Variants in RNLS observed in about 807,000 individuals in gnomAD.
RNLS encodes renalase.
Under a neutral mutation model 39.8 loss-of-function variants are expected in RNLS, and 39 were observed. That is an observed-to-expected ratio of 0.98 (90% CI 0.76 to 1.28). The LOEUF is 1.28. Among genes scored for constraint, RNLS ranks in the 50% most tolerant of loss-of-function variants. RNLS has a pLI of 0.00. For synonymous variants in RNLS, 147 were observed against 150.7 expected, an observed-to-expected ratio of 0.98 and a Z score of 0.18; for missense variants, 410 against 413.3, an observed-to-expected ratio of 0.99 and a Z score of 0.07.
intron 5 of RNLS, among the ~76,000 whole-genome samples, chr10:88,342,764 G>C (rs1848043903): frequency 6.6e-6 from 1 of 152,166 alleles, no homozygotes; most frequent in Non-Finnish European, 1.5e-5. Flanking sequence ...GAACAGAATA[G>C]ACAAAGGTCT....
chr10:88,470,436 G>C (rs1458625280), intron 4 of RNLS, among the ~76,000 whole-genome samples: 1 of 152,096 alleles, frequency 6.6e-6, no homozygotes, highest in East Asian at 1.9e-4. Context: ...CCCTGCATGA[G>C]GGCAGCCAAG....
chr10:88,410,862 A>G (rs911496420), intron 4 of RNLS, among the ~76,000 whole-genome samples: 4 of 152,178 alleles, frequency 2.6e-5, no homozygotes, highest in East Asian at 1.9e-4. Flanking sequence ...AAAATATAAC[A>G]GTTTGAGACT....
intron 4 of RNLS, among the ~76,000 whole-genome samples, chr10:88,484,145 A>G (rs1360708123): frequency 6.6e-6 from 1 of 152,098 alleles, no homozygotes; most frequent in Non-Finnish European, 1.5e-5. Flanking sequence ...ATTAATCTTA[A>G]GGATGAAGGA....
chr10:88,498,492 G>A (rs1187691025), intron 4 of RNLS, among the ~76,000 whole-genome samples: 1 of 148,684 alleles, frequency 6.7e-6, no homozygotes, highest in Non-Finnish European at 1.5e-5. Context: ...TTTTTTTTCT[G>A]TTGTTATAAA....
chr10:88,476,087 A>G (rs1394346698), intron 4 of RNLS, among the ~76,000 whole-genome samples: 1 of 152,176 alleles, frequency 6.6e-6, no homozygotes, highest in African/African-American at 2.4e-5. Flanking sequence ...GGGAGTCCAG[A>G]AGACAATAAC....
the RNLS span, among the ~76,000 whole-genome samples, chr10:88,266,816 T>G: frequency 3.3e-5 from 5 of 150,704 alleles, no homozygotes; most frequent in African/African-American, 1.2e-4. Context: ...TGTACATCAC[T>G]CAGATTCTCC....
chr10:88,560,941 AACACACACACACAC>A (rs35709088), intron 4 of RNLS, among the ~76,000 whole-genome samples: 7 of 145,808 alleles, frequency 4.8e-5, no homozygotes, highest in Non-Finnish European at 7.6e-5. Context: ...GTTCAGAGAT[AACACACACACACAC>A]ACACACACAC....
At chr10:88,446,748 G>A (rs1254199144) in intron 4 of RNLS, among the ~76,000 whole-genome samples, 1 of 152,016 alleles carries the variant, frequency 6.6e-6, no homozygotes, top group African/African-American at 2.4e-5. Context: ...GATGAACATC[G>A]ATGCAAAAAT....
intron 5 of RNLS, among the ~76,000 whole-genome samples, chr10:88,330,773 A>G: frequency 6.6e-6 from 1 of 152,142 alleles, no homozygotes; most frequent in East Asian, 1.9e-4. Context: ...CAATTTGACA[A>G]AATGACGCTA....
At chr10:88,376,481 C>CTT in intron 4 of RNLS, among the ~76,000 whole-genome samples, 1 of 152,198 alleles carries the variant, frequency 6.6e-6, no homozygotes, top group South Asian at 2.1e-4. Flanking sequence ...AATTTGCTAA[C>CTT]TTGGTGTTTG....
intron 4 of RNLS, among the ~76,000 whole-genome samples, chr10:88,476,640 G>A (rs17112571): frequency 0.18 from 26,988 of 152,046 alleles, 2,702 homozygotes; most frequent in Admixed American, 0.27. Flanking sequence ...GCAGAAGTCA[G>A]GACAAAATAT....
At chr10:88,512,886 G>A (rs1846207867) in intron 4 of RNLS, among the ~76,000 whole-genome samples, 1 of 152,050 alleles carries the variant, frequency 6.6e-6, no homozygotes. Flanking sequence ...TAGTTGTATG[G>A]TGCTGGATAA....
intron 5 of RNLS, among the ~76,000 whole-genome samples, chr10:88,329,145 A>G (rs2133148260): frequency 6.6e-6 from 1 of 150,508 alleles, no homozygotes; most frequent in South Asian, 2.1e-4. Context: ...ATAGCTCACT[A>G]CAGCCTTGAA....
chr10:88,237,122 GT>G, the RNLS span, among the ~76,000 whole-genome samples: 2 of 150,790 alleles, frequency 1.3e-5, no homozygotes, highest in African/African-American at 2.4e-5. Context: ...TCTAGGGTTG[GT>G]TTTTTTTTCT....
chr10:88,564,902 G>A (rs936321967), intron 4 of RNLS, among the ~76,000 whole-genome samples: 6 of 152,120 alleles, frequency 3.9e-5, no homozygotes, highest in Admixed American at 1.3e-4. Context: ...TTGGATGACA[G>A]AAAATCCAGA....
At chr10:88,357,732 G>T (rs1693440714) in intron 5 of RNLS, among the ~76,000 whole-genome samples, 1 of 152,110 alleles carries the variant, frequency 6.6e-6, no homozygotes, top group Non-Finnish European at 1.5e-5. Context: ...CAGAATGTGA[G>T]CACACTTGAG....
chr10:88,557,423 A>G (rs1848932543), intron 4 of RNLS, among the ~76,000 whole-genome samples: 1 of 152,202 alleles, frequency 6.6e-6, no homozygotes, highest in African/African-American at 2.4e-5. Flanking sequence ...GTCAGAATGA[A>G]AAAATGTCAG....
chr10:88,324,393 T>C (rs1019307108), intron 5 of RNLS, among the ~76,000 whole-genome samples: 6 of 137,846 alleles, frequency 4.4e-5, no homozygotes, highest in African/African-American at 1.1e-4. Context: ...CACAGAATAC[T>C]ATGCAGCCAT....
intron 5 of RNLS, among the ~76,000 whole-genome samples, chr10:88,326,703 G>A (rs1478996809): frequency 6.6e-6 from 1 of 152,194 alleles, no homozygotes; most frequent in Non-Finnish European, 1.5e-5. Context: ...CTGGAGCTGT[G>A]AGAAGAGGGC....
Sources: allele counts gnomAD v4.1 joint callset (sites outside exome capture counted in the v4.1 genomes callset), GRCh38; gene constraint gnomAD v4.1.1; transcripts MANE v1.5; gene names NCBI Gene and HGNC (gene_info 2026-07-23, HGNC 2026-07-21).